Variants in CFAP43 observed in about 807,000 individuals in gnomAD.
The protein encoded by CFAP43 is cilia- and flagella-associated protein 43.
In CFAP43, 155 loss-of-function variants were observed where a neutral mutation model predicts 218.9. That is an observed-to-expected ratio of 0.71 (90% CI 0.62 to 0.81). The LOEUF is 0.81. Among genes scored for constraint, CFAP43 ranks in the 30% least tolerant of loss-of-function variants. CFAP43 has a pLI of 0.00. For synonymous variants in CFAP43, 645 were observed against 681.3 expected, an observed-to-expected ratio of 0.95 and a Z score of 0.83; for missense variants, 1,778 against 1,954.3, an observed-to-expected ratio of 0.91 and a Z score of 1.70.
In CFAP43 at chr10:104,192,414, T is replaced by C; in HGVS notation, c.1443-112A>G. 5 of 797,428 alleles carry C rather than the reference T, an allele frequency of 6.3e-6. No homozygotes were observed. In the South Asian group the frequency reaches 7.7e-5, roughly 12 times the overall value. The allele number at this position is 797,428 out of a possible 1,614,324, so 49.4% of individuals were successfully genotyped here. The stretch of plus-strand genomic sequence containing the variant: ...GTTCAAAGCCAGTCATTTTTACGGT[T>C]TGCAATTTTTAATATTCTCTGACCT... On this transcript the variant is annotated intron_variant, in intron 11 of 37. Transcript: ENST00000357060.
At chr10:104,222,404 C>T (rs188091721) in intron 3 of CFAP43, among the ~76,000 whole-genome samples, 1 of 152,312 alleles carries the variant, frequency 6.6e-6, no homozygotes, top group East Asian at 1.9e-4. Context: ...GGGTTGCTCC[C>T]AAAGCTTCTC....
chr10:104,183,534 C>T (rs947502930), intron 16 of CFAP43, among the ~76,000 whole-genome samples: 40 of 152,172 alleles, frequency 2.6e-4, no homozygotes, highest in Non-Finnish European at 4.6e-4. Flanking sequence ...GGACTACAGG[C>T]GCCCGCCACC....
intron 3 of CFAP43, among the ~76,000 whole-genome samples, chr10:104,224,588 C>A (rs2091263023): frequency 6.6e-6 from 1 of 151,264 alleles, no homozygotes; most frequent in Non-Finnish European, 1.5e-5. Context: ...AACCCCGTCT[C>A]TACAAAAATA....
At chr10:104,143,788 A>C (rs1161841082) in intron 31 of CFAP43, 149 bp from the exon 32 acceptor site, 2 of 762,462 alleles carry the variant, frequency 2.6e-6, no homozygotes, top group Admixed American at 5.4e-5. Context: ...TCCACAGATA[A>C]AGGGATCCAC....
At chr10:104,172,576 T>A (rs1158320913) in intron 19 of CFAP43, 41 bp from the exon 20 acceptor site, 2 of 1,511,566 alleles carry the variant, frequency 1.3e-6, no homozygotes, top group Non-Finnish European at 1.8e-6. Flanking sequence ...AAGTAAAGAA[T>A]TAAACTGTAA....
At chr10:104,172,676 A>G in intron 19 of CFAP43, 141 bp from the exon 20 acceptor site, 1 of 746,108 alleles carries the variant, frequency 1.3e-6, no homozygotes, top group Non-Finnish European at 2.0e-6. Flanking sequence ...AAATAATTAG[A>G]TTATGGGCTT....
In CFAP43 at chr10:104,171,987, C is replaced by A. The variant is rs898185979; in HGVS notation, c.2586+423G>T. Among the ~76,000 whole-genome samples, 12 of 152,156 alleles carry A rather than the reference C, an allele frequency of 7.9e-5. 1 individual carries two copies. The highest frequency in any genetic ancestry group is 7.2e-4 in the Admixed American group (11 of 15,278). ...CACAGGGAACATGGAAATTTCTAAT[C>A]CTCTACCACTCTCAGAGGGGCCATA... On this transcript the variant is annotated intron_variant, in intron 20 of 37. Transcript: ENST00000357060.
In CFAP43 at chr10:104,203,730, G is replaced by A; in HGVS notation, c.1037C>T (p.Pro346Leu). 1.2e-6 allele frequency: 2 copies of A among 1,610,912 alleles called. No individual in the cohort carries two copies. The highest frequency in any genetic ancestry group is 2.7e-5 in the African/African-American group (2 of 74,934). Residue 346 changes from proline to leucine, a missense_variant, in exon 8 of 38, where the codon CCT becomes CTT. By Grantham distance (98) the Pro-to-Leu change is moderately conservative (BLOSUM62 -3). Coordinates refer to ENST00000357060, the MANE Select transcript of CFAP43 (RefSeq NM_025145.7). ...MIEDFLEIER[P>L]VEHMTFSPNY... ...GGGAGAAAATGTCATATGTTCTACA[G>A]GTCTTTCAATCTCAAGAAAATCCTC...
Position 104,162,380 on chromosome 10 carries a change from C to T in CFAP43, c.3270G>A (p.Lys1090=), listed in dbSNP as rs1367488070. ...TCAATTCTTTGGCTTTGTGCCACGGCTTAATGTGTTTGTGGGCTGTAATCT... is the reference window on the plus strand; with the variant it reads ...TCAATTCTTTGGCTTTGTGCCACGGTTTAATGTGTTTGTGGGCTGTAATCT... ...DEEITAHKHI[K]PWHKAKELIV... Residue 1090 remains lysine (K), a synonymous_variant, in exon 25 of 38, where the codon AAG becomes AAA. Coordinates refer to ENST00000357060, the MANE Select transcript of CFAP43 (RefSeq NM_025145.7). 1 of 1,614,066 alleles carries T rather than the reference C, an allele frequency of 6.2e-7. No homozygotes were observed. Among genetic ancestry groups the T allele is most frequent in the African/African-American group, 1.3e-5 (1 of 75,028 alleles).
intron 10 of CFAP43, 26 bp downstream of exon 10, chr10:104,196,827 A>T (rs202084757): frequency 3.2e-6 from 5 of 1,548,580 alleles, no homozygotes; most frequent in Admixed American, 3.7e-5. Context: ...GTATTTTTTT[A>T]AAATCCATTT....
At chr10:104,200,541 C>T (rs2090502644) in intron 8 of CFAP43, among the ~76,000 whole-genome samples, 1 of 151,808 alleles carries the variant, frequency 6.6e-6, no homozygotes, top group South Asian at 2.1e-4. Flanking sequence ...CATGGTGGCG[C>T]ACACCTGTAG....
intron 26 of CFAP43, 36 bp from the exon 27 acceptor site, chr10:104,161,198 A>G (rs200767038): frequency 6.2e-7 from 1 of 1,606,100 alleles, no homozygotes; most frequent in East Asian, 2.2e-5. Context: ...TTTCAGCTCA[A>G]ACGTTAAATG....
chr10:104,185,804 C>A (rs1437197260), intron 15 of CFAP43, among the ~76,000 whole-genome samples, 170 bp downstream of exon 15: 2 of 152,200 alleles, frequency 1.3e-5, no homozygotes, highest in African/African-American at 4.8e-5. Context: ...AAATCTCCTT[C>A]CTGTTCCCAT....
chr10:104,134,064 A>C (rs2087325661), intron 34 of CFAP43, among the ~76,000 whole-genome samples: 2 of 152,098 alleles, frequency 1.3e-5, no homozygotes, highest in Non-Finnish European at 1.5e-5. Context: ...GCCATCACCC[A>C]ATCTACCAAC....
At chr10:104,172,267 T>C (rs2089442669) in intron 20 of CFAP43, 143 bp downstream of exon 20, 1 of 1,013,302 alleles carries the variant, frequency 9.9e-7, no homozygotes, top group Non-Finnish European at 1.4e-6. Context: ...TCATTATACT[T>C]ATATGCACTA....
intron 19 of CFAP43, among the ~76,000 whole-genome samples, chr10:104,178,305 GT>G (rs1564760380): frequency 1.3e-5 from 2 of 152,162 alleles, no homozygotes. Flanking sequence ...GTATTTGATT[GT>G]ATTGAGAAGA....
chr10:104,218,347 CAAA>C (rs68078522), intron 3 of CFAP43, among the ~76,000 whole-genome samples: 2 of 98,708 alleles, frequency 2.0e-5, no homozygotes, highest in Admixed American at 2.6e-4. Context: ...GACTGTGTCT[CAAA>C]AAAAAAAAAA....
intron 16 of CFAP43, among the ~76,000 whole-genome samples, chr10:104,183,380 A>C: frequency 7.1e-6 from 1 of 140,606 alleles, no homozygotes. Flanking sequence ...GTCCTAGACC[A>C]TCGTTTTTTT....
At chr10:104,170,682 T>A (rs1423185730) in intron 20 of CFAP43, among the ~76,000 whole-genome samples, 1 of 152,174 alleles carries the variant, frequency 6.6e-6, no homozygotes, top group Non-Finnish European at 1.5e-5. Flanking sequence ...TGCGGCAAAC[T>A]ATCACCTGCC....
Sources: allele counts gnomAD v4.1 joint callset (sites outside exome capture counted in the v4.1 genomes callset), GRCh38; gene constraint gnomAD v4.1.1; transcripts MANE v1.5; gene names NCBI Gene and HGNC (gene_info 2026-07-23, HGNC 2026-07-21).